Variants in SGCD observed in about 807,000 individuals in gnomAD.
SGCD encodes delta-sarcoglycan.
A neutral mutation model predicts 36.6 loss-of-function variants in SGCD; 18 were observed. The observed-to-expected ratio is 0.49, with a 90% confidence interval of 0.34 to 0.73. SGCD has a LOEUF of 0.73. SGCD is among the 30% of genes least tolerant of loss of function. The pLI, the probability that SGCD is intolerant of heterozygous loss-of-function variation, is 0.01. For missense variants in SGCD, 387 were observed against 346.7 expected (o/e 1.12, Z -0.92); for synonymous variants, 133 against 130.6 (o/e 1.02, Z -0.12).
chr5:156,368,585 C>G (rs1770227744), intron 3 of SGCD, among the ~76,000 whole-genome samples: 1 of 152,124 alleles, frequency 6.6e-6, no homozygotes, highest in Non-Finnish European at 1.5e-5. Context: ...GACCGTAGAC[C>G]AGTACTGGCT....
intron 1 of SGCD, among the ~76,000 whole-genome samples, chr5:155,928,519 T>A (rs1370830633): frequency 6.6e-6 from 1 of 151,724 alleles, no homozygotes; most frequent in Admixed American, 6.6e-5. Context: ...AATATAAAAA[T>A]TAGCTGGGTT....
At chr5:156,558,124 TTA>T (rs1759116171) in intron 4 of SGCD, among the ~76,000 whole-genome samples, 1 of 123,612 alleles carries the variant, frequency 8.1e-6, no homozygotes, top group South Asian at 2.6e-4. Context: ...TATATATATA[TTA>T]TTTAACTCTC....
At chr5:156,014,710 T>C (rs1452427148) in intron 1 of SGCD, among the ~76,000 whole-genome samples, 1 of 152,186 alleles carries the variant, frequency 6.6e-6, no homozygotes, top group Non-Finnish European at 1.5e-5. Flanking sequence ...ATTTTTTCCT[T>C]GTGTACAGGA....
Position 156,700,198 on chromosome 5 carries a change from G to A in SGCD, c.575+52662G>A, listed in dbSNP as rs558682492. ...TCATACTAACTAGTCTCTCTTTAAC[G>A]TCATGATTCCTAACCTCAAGTGGGT... On this transcript the variant is annotated intron_variant, in intron 7 of 8. Transcript: ENST00000337851. Among the ~76,000 whole-genome samples, 13 of 152,182 alleles carry A rather than the reference G, an allele frequency of 8.5e-5. No individual in the cohort carries two copies. The East Asian group carries it at 1.5e-3, about 18-fold the overall frequency.
At chr5:156,236,700 G>A (rs1259211971) in intron 3 of SGCD, among the ~76,000 whole-genome samples, 1 of 151,926 alleles carries the variant, frequency 6.6e-6, no homozygotes, top group African/African-American at 2.4e-5. Context: ...CACCCTTCTT[G>A]GCCTCCCAAA....
At chr5:155,972,563 A>G (rs560457189) in intron 1 of SGCD, among the ~76,000 whole-genome samples, 1 of 152,270 alleles carries the variant, frequency 6.6e-6, no homozygotes, top group Admixed American at 6.5e-5. Context: ...GTAAATGTTC[A>G]TGATATGTGT....
chr5:155,747,605 T>C, the SGCD span, among the ~76,000 whole-genome samples: 3 of 152,230 alleles, frequency 2.0e-5, no homozygotes, highest in Non-Finnish European at 4.4e-5. Context: ...AACTGCCAGC[T>C]ACAAAGTGGT....
chr5:156,237,302 A>G (rs1440799323), intron 3 of SGCD, among the ~76,000 whole-genome samples: 2 of 152,146 alleles, frequency 1.3e-5, no homozygotes, highest in East Asian at 3.9e-4. Context: ...ATGTCCTGTA[A>G]ACTAAAGTGG....
the SGCD span, among the ~76,000 whole-genome samples, chr5:155,736,005 T>A: frequency 6.6e-6 from 1 of 152,144 alleles, no homozygotes; most frequent in African/African-American, 2.4e-5. Context: ...TAACCCTTTT[T>A]TAGATGGGAA....
chr5:156,153,112 C>T (rs979740084), intron 3 of SGCD, among the ~76,000 whole-genome samples: 1 of 151,640 alleles, frequency 6.6e-6, no homozygotes, highest in Non-Finnish European at 1.5e-5. Flanking sequence ...TTGTCTTGTT[C>T]AAACGTTTCA....
At chr5:156,297,663 A>G (rs1766931256) in intron 3 of SGCD, among the ~76,000 whole-genome samples, 2 of 150,472 alleles carry the variant, frequency 1.3e-5, no homozygotes, top group Non-Finnish European at 3.0e-5. Flanking sequence ...GGGGCGGGAT[A>G]GCATCGGGAG....
intron 3 of SGCD, among the ~76,000 whole-genome samples, chr5:156,178,059 C>A (rs564627400): frequency 1.4e-4 from 22 of 152,214 alleles, no homozygotes; most frequent in African/African-American, 4.6e-4. Flanking sequence ...TACAGTTTGG[C>A]AGAATGATCT....
At chr5:155,880,685 T>G (rs1755863385) in intron 1 of SGCD, among the ~76,000 whole-genome samples, 1 of 152,186 alleles carries the variant, frequency 6.6e-6, no homozygotes, top group South Asian at 2.1e-4. Flanking sequence ...CGTGAAGTTT[T>G]CAGTAGCTTT....
intron 1 of SGCD, among the ~76,000 whole-genome samples, chr5:155,925,887 G>A (rs1160484026): frequency 6.6e-6 from 1 of 152,020 alleles, no homozygotes; most frequent in Non-Finnish European, 1.5e-5. Context: ...AAAGTGCTGG[G>A]AGTACAAAAG....
chr5:156,767,299 A>C lies in SGCD; in HGVS notation c.*7909A>C, dbSNP rs1036270240. On this transcript the variant is annotated 3_prime_UTR_variant, in exon 9 of 9. Coordinates refer to ENST00000337851, the MANE Select transcript of SGCD (RefSeq NM_000337.6). ...CATGTATCAACCACCTCCCCCAGTCAGGTTTCTCCCTTTTTGAGATTATGA... is the reference window on the plus strand; with the variant it reads ...CATGTATCAACCACCTCCCCCAGTCCGGTTTCTCCCTTTTTGAGATTATGA... 1.4e-4 allele frequency: 22 copies of C among 152,222 alleles called. No homozygotes were observed. The highest frequency in any genetic ancestry group is 5.3e-4 in the African/African-American group (22 of 41,522). The allele number at this position is 152,222 out of a possible 1,614,324, so 9.4% of individuals were successfully genotyped here.
chr5:156,420,598 T>A (rs1351064866), intron 3 of SGCD, among the ~76,000 whole-genome samples: 2 of 152,120 alleles, frequency 1.3e-5, no homozygotes, highest in Non-Finnish European at 2.9e-5. Flanking sequence ...AATTGCTGCT[T>A]TACAAAGAAA....
intron 1 of SGCD, among the ~76,000 whole-genome samples, chr5:155,971,514 C>T (rs573051262): frequency 5.9e-5 from 9 of 152,200 alleles, no homozygotes; most frequent in South Asian, 4.1e-4. Flanking sequence ...AATTGAAACT[C>T]GTCTGGCCCA....
In SGCD at chr5:156,764,993, C is replaced by T. The variant is rs1757562207; in HGVS notation, c.*5603C>T. On this transcript the variant is annotated 3_prime_UTR_variant, in exon 9 of 9. Transcript: ENST00000337851. The stretch of plus-strand genomic sequence containing the variant: ...GAAGCCAGAGTGGGGTTCCAAATGC[C>T]TCATTAAGTATGTGGACAGCCTCAC... 6.6e-6 allele frequency: 1 copy of T among 152,094 alleles called. No homozygotes were observed. 9.4% of individuals were successfully genotyped at this position (152,094 alleles called of 1,614,324 possible).
chr5:156,678,558 G>A (rs1355283439), intron 7 of SGCD, among the ~76,000 whole-genome samples: 1 of 152,158 alleles, frequency 6.6e-6, no homozygotes, highest in Non-Finnish European at 1.5e-5. Context: ...TCTTTAATAT[G>A]CATTAATCTC....
Sources: allele counts gnomAD v4.1 joint callset (sites outside exome capture counted in the v4.1 genomes callset), GRCh38; gene constraint gnomAD v4.1.1; transcripts MANE v1.5; gene names NCBI Gene and HGNC (gene_info 2026-07-23, HGNC 2026-07-21).